Variants in OSBPL3 observed in about 807,000 individuals in gnomAD.
OSBPL3 encodes oxysterol-binding protein-related protein 3.
Under a neutral mutation model 120.1 loss-of-function variants are expected in OSBPL3, and 65 were observed. The ratio of observed to expected loss-of-function variants is 0.54; its 90% CI spans 0.44 to 0.67. The LOEUF is 0.67. Among genes scored for constraint, OSBPL3 ranks in the 30% least tolerant of loss-of-function variants. The probability of loss-of-function intolerance (pLI) is 0.00; values close to 1 mark genes in which losing one functional copy is unlikely to be tolerated. For missense variants in OSBPL3, 1,004 were observed against 1,082.1 expected (o/e 0.93, Z 1.01); for synonymous variants, 416 against 402.6 (o/e 1.03, Z -0.40).
Position 24,883,290 on chromosome 7 carries a change from C to T in OSBPL3, c.96+9087G>A, listed in dbSNP as rs183557588. On this transcript the variant is annotated intron_variant, in intron 2 of 22. Transcript: ENST00000313367. This position sits in a 1 kb window ranked among gnomAD's most constrained non-coding sequence, Gnocchi z 5.4. Reference sequence around the variant, plus strand: ...TAGGTTTTAGAGGGATATCAGATGACACTAGGGAAGTCTTCTGTTGTGCCT... The same window carrying T: ...TAGGTTTTAGAGGGATATCAGATGATACTAGGGAAGTCTTCTGTTGTGCCT... Among the ~76,000 whole-genome samples the T allele has an allele frequency of 4.6e-4, 70 of 152,262 alleles. No individual in the cohort carries two copies. The highest frequency in any genetic ancestry group is 1.6e-3 in the African/African-American group (68 of 41,570).
chr7:24,832,491 CAGAG>C (rs906235423), intron 15 of OSBPL3, among the ~76,000 whole-genome samples: 1 of 124,768 alleles, frequency 8.0e-6, no homozygotes, highest in South Asian at 2.5e-4. Context: ...GCCTGGGCGA[CAGAG>C]AGAGACTCTG....
rs144449368 is a variant in OSBPL3, at chr7:24,853,859, C to A, written c.1028-1225G>T. Among the ~76,000 whole-genome samples the A allele has an allele frequency of 7.9e-3, 1,197 of 152,292 alleles. 8 individuals are homozygous for A. The highest frequency in any genetic ancestry group is 0.031 in the Middle Eastern group (9 of 294). ...TCTCTGTATAATTCTTGCAACTTTT[C>A]TGTAAGTTTGTAATTGTTTCAAAAC... On this transcript the variant is annotated intron_variant, in intron 10 of 22. Transcript: ENST00000313367.
At chr7:24,874,684 T>C (rs1001849865) in intron 2 of OSBPL3, among the ~76,000 whole-genome samples, 2 of 152,082 alleles carry the variant, frequency 1.3e-5, no homozygotes, top group African/African-American at 4.8e-5. Context: ...TTTTTTTTCC[T>C]ACAAAATATT....
chr7:24,895,852 CT>C (rs1299550386), intron 1 of OSBPL3, among the ~76,000 whole-genome samples: 2 of 152,184 alleles, frequency 1.3e-5, no homozygotes, highest in African/African-American at 4.8e-5. Context: ...TTATTTTGTA[CT>C]GAGAAATAAC....
chr7:24,978,182 T>C (rs1817794279), intron 1 of OSBPL3, among the ~76,000 whole-genome samples: 1 of 152,246 alleles, frequency 6.6e-6, no homozygotes, highest in African/African-American at 2.4e-5. Flanking sequence ...AACAGACTTC[T>C]GTAAGTTTAA....
chr7:24,943,770 C>T (rs1487127316), intron 1 of OSBPL3, among the ~76,000 whole-genome samples: 5 of 152,154 alleles, frequency 3.3e-5, no homozygotes, highest in Non-Finnish European at 1.5e-5. Context: ...TTCACTATGA[C>T]ATGACTAAAT....
chr7:24,979,819 C>T lies in OSBPL3; in HGVS notation c.-150+67G>A, dbSNP rs1002977949. 4.9e-5 allele frequency: 45 copies of T among 924,306 alleles called. 1 individual carries two copies. Among genetic ancestry groups the T allele is most frequent in the Middle Eastern group, 5.4e-4 (1 of 1,838 alleles). 57.3% of individuals were successfully genotyped at this position (924,306 alleles called of 1,614,324 possible). A position where few individuals can be genotyped will look rare whatever the true frequency, so the allele number is the denominator to read the frequency against. On this transcript the variant is annotated intron_variant, in intron 1 of 22. Coordinates refer to ENST00000313367, the MANE Select transcript of OSBPL3 (RefSeq NM_015550.4). Reference sequence around the variant, plus strand: ...GGCGCCCCGCAAACAGCAGCCCTTCCGAGCCCGCGCCGCCGCCAGGCCCCC... The same window carrying T: ...GGCGCCCCGCAAACAGCAGCCCTTCTGAGCCCGCGCCGCCGCCAGGCCCCC...
rs541720039 is a variant in OSBPL3 at position 24,940,920 on chromosome 7, A to C, written c.-150+38966T>G. 6.8e-4 allele frequency among the ~76,000 whole-genome samples: 103 copies of C among 151,850 alleles called. 1 individual carries two copies. The highest frequency in any genetic ancestry group is 3.4e-3 in the Middle Eastern group (1 of 294). ...CTGCAAGCTCTGCCTCCCGGGTTCA[A>C]GCCATTCTCCTGCCCCAGCCTCCCA... On this transcript the variant is annotated intron_variant, in intron 1 of 22. Coordinates refer to ENST00000313367, the MANE Select transcript of OSBPL3 (RefSeq NM_015550.4). The surrounding 1 kb of genome is among the most constrained non-coding windows in gnomAD (Gnocchi z 4.4).
rs907837668 is a variant in OSBPL3 at position 24,821,115 on chromosome 7, A to G, written c.1885-877T>C. 6.6e-6 allele frequency among the ~76,000 whole-genome samples: 1 copy of G among 152,228 alleles called. No individual in the cohort carries two copies. The highest frequency in any genetic ancestry group is 6.5e-5 in the Admixed American group (1 of 15,282). ...ATTCAGCACTGGTGAAACCACAGTA[A>G]TGCTGCCAAGGGTGTTTCCAGAAAG... On this transcript the variant is annotated intron_variant, in intron 16 of 22. Transcript: ENST00000313367. This position sits in a 1 kb window ranked among gnomAD's most constrained non-coding sequence, Gnocchi z 5.5.
rs1034547187 is a variant in OSBPL3 at position 24,809,032 on chromosome 7, T to C, written c.2317+775A>G. Among the ~76,000 whole-genome samples the C allele has an allele frequency of 2.0e-5, 3 of 152,172 alleles. No homozygotes were observed. The South Asian group carries it at 6.2e-4, about 32-fold the overall frequency. On this transcript the variant is annotated intron_variant, in intron 20 of 22. Coordinates refer to ENST00000313367, the MANE Select transcript of OSBPL3 (RefSeq NM_015550.4). ...TGTATCCTCACTGATCTGTGTGTCC[T>C]TGACACAGGTAAATTGCCTATGTAA...
chr7:24,854,139 G>A lies in OSBPL3; in HGVS notation c.1028-1505C>T, dbSNP rs1234779887. Reference sequence around the variant, plus strand: ...TGTACAAATTACTTCCTAGGGATGAGGAAGCTGTTATCTAAATTACTGATC... The same window carrying A: ...TGTACAAATTACTTCCTAGGGATGAAGAAGCTGTTATCTAAATTACTGATC... On this transcript the variant is annotated intron_variant, in intron 10 of 22. Coordinates refer to ENST00000313367, the MANE Select transcript of OSBPL3 (RefSeq NM_015550.4). This position sits in a 1 kb window ranked among gnomAD's most constrained non-coding sequence, Gnocchi z 4.1. Among the ~76,000 whole-genome samples, 2 of 151,932 alleles carry A rather than the reference G, an allele frequency of 1.3e-5. No individual in the cohort carries two copies. The highest frequency in any genetic ancestry group is 3.9e-4 in the East Asian group (2 of 5,148).
At chr7:24,924,444 C>T (rs1175130619) in intron 1 of OSBPL3, among the ~76,000 whole-genome samples, 1 of 152,080 alleles carries the variant, frequency 6.6e-6, no homozygotes, top group African/African-American at 2.4e-5. Flanking sequence ...AGTCTAACTC[C>T]GATACACTTT....
intron 1 of OSBPL3, among the ~76,000 whole-genome samples, chr7:24,917,779 G>A (rs553873772): frequency 6.6e-6 from 1 of 152,182 alleles, no homozygotes; most frequent in Non-Finnish European, 1.5e-5. Flanking sequence ...GGGAAGTCCT[G>A]CTCTTAAACA....
rs1410982643 is a variant in OSBPL3, at chr7:24,866,096, C to T, written c.523G>A (p.Val175Met). 5 of 1,613,732 alleles carry T rather than the reference C, an allele frequency of 3.1e-6. No individual in the cohort carries two copies. Among genetic ancestry groups the T allele is most frequent in the Non-Finnish European group, 4.2e-6 (5 of 1,179,686 alleles). The change falls in exon 6 of 23, where the codon GTG (valine) becomes ATG (methionine). Residue 175 changes from valine to methionine, a missense_variant. Transcript: ENST00000313367. Reference protein sequence around the residue: ...GSTITDSSSGVFDSISSRKRS... With the variant: ...GSTITDSSSGMFDSISSRKRS... ...TTCCTACTTGAAATGGAGTCAAACA[C>T]CCCAGATGAAGAGTCTGTGATGGTG...
At chr7:24,829,294 C>G (rs774659968) in intron 16 of OSBPL3, among the ~76,000 whole-genome samples, 5 of 152,158 alleles carry the variant, frequency 3.3e-5, no homozygotes, top group Non-Finnish European at 7.3e-5. Flanking sequence ...CACAGATTAT[C>G]TTATCCCCTT....
chr7:24,874,882 G>A (rs987323964), intron 2 of OSBPL3, among the ~76,000 whole-genome samples: 3 of 152,104 alleles, frequency 2.0e-5, no homozygotes, highest in African/African-American at 7.2e-5. Context: ...CCCTGTCACC[G>A]TCCATGAGTT....
intron 1 of OSBPL3, among the ~76,000 whole-genome samples, chr7:24,926,734 T>C (rs1195905762): frequency 6.6e-6 from 1 of 152,202 alleles, no homozygotes; most frequent in African/African-American, 2.4e-5. Context: ...ATATACCTTG[T>C]ATATATATTA....
rs556478745 is a variant in OSBPL3 at position 24,884,088 on chromosome 7, C to T, written c.96+8289G>A. On this transcript the variant is annotated intron_variant, in intron 2 of 22. Transcript: ENST00000313367. ...ACAAACAAACAAACAACAACAGCAA[C>T]AACAAAAAAAAACAGCTCCAGGCAA... Among the ~76,000 whole-genome samples, 795 of 89,296 alleles carry T rather than the reference C, an allele frequency of 8.9e-3. 7 individuals are homozygous for T. Among genetic ancestry groups the T allele is most frequent in the African/African-American group, 0.044 (705 of 15,980 alleles). 58.6% of individuals were successfully genotyped at this position (89,296 alleles called of 152,430 possible). A position where few individuals can be genotyped will look rare whatever the true frequency, so the allele number is the denominator to read the frequency against.
intron 14 of OSBPL3, among the ~76,000 whole-genome samples, chr7:24,837,130 C>T (rs1797103756): frequency 1.3e-5 from 2 of 151,912 alleles, no homozygotes; most frequent in Admixed American, 1.3e-4. Context: ...CCACCACGCC[C>T]AGCCTGTTTT....
Sources: gnomAD v4.1 joint callset for allele counts (sites outside exome capture counted in the v4.1 genomes callset) on GRCh38, gnomAD v4.1.1 for gene constraint, Gnocchi (gnomAD v3.1) non-coding constraint, MANE v1.5 for transcripts, NCBI Gene and HGNC (gene_info 2026-07-23, HGNC 2026-07-21) for gene names.